The following SYNE1 variants were observed in gnomAD, a reference collection of about 807,000 sequenced individuals.
SYNE1 encodes the protein nesprin-1.
Under a neutral mutation model 1,111.0 loss-of-function variants are expected in SYNE1, and 616 were observed. That is an observed-to-expected ratio of 0.55 (90% CI 0.52 to 0.59). The LOEUF (loss-of-function observed/expected upper bound fraction) is 0.59, where lower values mean the gene tolerates loss of function less well. Among genes scored for constraint, SYNE1 ranks in the 20% least tolerant of loss-of-function variants. The pLI, the probability that SYNE1 is intolerant of heterozygous loss-of-function variation, is 0.00. For missense variants in SYNE1, 10,006 were observed against 10,417.0 expected (o/e 0.96, Z 1.72); for synonymous variants, 3,855 against 3,825.8 (o/e 1.01, Z -0.28).
rs772622270 is a variant in SYNE1, at chr6:152,151,970, G to A, written c.24301C>T (p.Arg8101Cys). 53 of 1,614,042 alleles carry A rather than the reference G, an allele frequency of 3.3e-5. No individual in the cohort carries two copies. The highest frequency in any genetic ancestry group is 4.2e-5 in the Non-Finnish European group (49 of 1,180,040). The change falls in exon 134 of 146, where the codon CGC (arginine) becomes TGC (cysteine). Residue 8101 changes from arginine to cysteine, a missense_variant. This residue lies in a region of SYNE1 where 2,182 missense variants were observed against 2,287.8 expected (regional missense o/e 0.95). Transcript: ENST00000367255. ...NLQKRVTSILRRLKHFIGQRE... is the reference protein window; with the variant it reads ...NLQKRVTSILCRLKHFIGQRE... ...GGCATAGCAAAAACCTTGAGTCTGCGCAAGATGGAGGTGACACGCTTTTGC... is the reference window on the plus strand; with the variant it reads ...GGCATAGCAAAAACCTTGAGTCTGCACAAGATGGAGGTGACACGCTTTTGC...
At chr6:152,500,298 A>T (rs2154321943) in intron 10 of SYNE1, among the ~76,000 whole-genome samples, 1 of 152,340 alleles carries the variant, frequency 6.6e-6, no homozygotes, top group African/African-American at 2.4e-5. Flanking sequence ...TATTTGCATC[A>T]ATCCATGCCA....
chr6:152,173,262 C>G (rs1181812792), intron 130 of SYNE1, among the ~76,000 whole-genome samples: 1 of 152,154 alleles, frequency 6.6e-6, no homozygotes, highest in African/African-American at 2.4e-5. Context: ...GATTTGTTAT[C>G]AGTAAATCTT....
chr6:152,289,402 T>C (rs1372781270), intron 95 of SYNE1, among the ~76,000 whole-genome samples: 2 of 150,774 alleles, frequency 1.3e-5, no homozygotes, highest in African/African-American at 5.0e-5. Context: ...CACAAGTTTT[T>C]GTTTGTTTGT....
Position 152,407,016 on chromosome 6 carries a change from C to T in SYNE1, c.6721G>A (p.Glu2241Lys), listed in dbSNP as rs1223488019. ...LRAEELLKEF[E>K]SEVKNKALRL... The stretch of plus-strand genomic sequence containing the variant: ...ATATGTCAACACAGTCAATTTACCT[C>T]AAATTCTTTAAGCAGTTCTTCAGCT... The change falls in exon 45 of 146, where the codon GAG (glutamate) becomes AAG (lysine). Residue 2241 changes from glutamate to lysine, a missense_variant and splice_region_variant. Physicochemically the swap from Glu to Lys is moderately conservative, Grantham distance 56. This residue lies in a region of SYNE1 where 4,955 missense variants were observed against 5,017.2 expected (regional missense o/e 0.99). Transcript: ENST00000367255. 6.2e-7 allele frequency: 1 copy of T among 1,612,902 alleles called. No individual in the cohort carries two copies.
rs28385621 is a variant in SYNE1 at position 152,337,006 on chromosome 6, C to A, written c.12363G>T (p.Lys4121Asn). Residue 4121 changes from lysine to asparagine, a missense_variant, in exon 76 of 146, where the codon AAG becomes AAT. Physicochemically the swap from Lys to Asn is moderately conservative, Grantham distance 94 (BLOSUM62 0). Transcript: ENST00000367255. ...GAGTTAAGTTCTGGGCCTGGACAAG[C>A]TTTTGTTCAATCTTGAGAAAACACA... The part of the protein sequence containing the change: ...IQQTEQTIEQ[K>N]LVQAQNLTQG... 0.078 allele frequency: 126,527 copies of A among 1,613,544 alleles called. 5,201 individuals are homozygous for A. The highest frequency in any genetic ancestry group is 0.11 in the East Asian group (5,052 of 44,868).
rs777679979 is a variant in SYNE1 at position 152,428,385 on chromosome 6, C to A, written c.4796G>T (p.Cys1599Phe). 2.5e-6 allele frequency: 4 copies of A among 1,613,508 alleles called. No individual in the cohort carries two copies. The highest frequency in any genetic ancestry group is 1.3e-5 in the African/African-American group (1 of 74,880). ...GCTGCTCAGTGACTCCAGGGCCTGG[C>A]AGAGATCCTAAGAAGAGTGCGAGAA... ...YKVLQEHMDL[C>F]QALESLSSAI... The change falls in exon 37 of 146, where the codon TGC (cysteine) becomes TTC (phenylalanine). Residue 1599 changes from cysteine to phenylalanine, a missense_variant. Around this residue, in one of 7 missense-constraint regions of SYNE1, gnomAD observed 1,971 missense variants for 2,084.1 expected, o/e 0.95. Transcript: ENST00000367255.
At chr6:152,299,237 A>T (rs966438720) in intron 93 of SYNE1, among the ~76,000 whole-genome samples, 1 of 152,204 alleles carries the variant, frequency 6.6e-6, no homozygotes, top group Non-Finnish European at 1.5e-5. Flanking sequence ...GAGAACCTAA[A>T]CCATATTAAA....
At chr6:152,226,827 A>T (rs1434369709) in intron 115 of SYNE1, among the ~76,000 whole-genome samples, 1 of 152,172 alleles carries the variant, frequency 6.6e-6, no homozygotes, top group Non-Finnish European at 1.5e-5. Context: ...GCTGAACCTC[A>T]GACTGTGGAG....
intron 131 of SYNE1, among the ~76,000 whole-genome samples, chr6:152,157,295 G>T (rs148310141): frequency 3.6e-4 from 55 of 152,284 alleles, no homozygotes; most frequent in African/African-American, 1.3e-3. Context: ...GGAACCGGAG[G>T]TCACTATGTT....
At chr6:152,594,039 A>G (rs2099574128) in intron 3 of SYNE1, among the ~76,000 whole-genome samples, 1 of 151,982 alleles carries the variant, frequency 6.6e-6, no homozygotes, top group South Asian at 2.1e-4. Flanking sequence ...CCTCCGCCCC[A>G]TCCCATTCTG....
chr6:152,217,925 G>A (rs1448095356), intron 121 of SYNE1, among the ~76,000 whole-genome samples: 1 of 152,078 alleles, frequency 6.6e-6, no homozygotes, highest in Admixed American at 6.6e-5. Flanking sequence ...TTTCACTTAA[G>A]ATTTTGAAAA....
chr6:152,325,169 C>A lies in SYNE1; in HGVS notation c.15572G>T (p.Arg5191Leu). The A allele has an allele frequency of 6.2e-7, 1 of 1,614,220 alleles. No homozygotes were observed. The highest frequency in any genetic ancestry group is 8.5e-7 in the Non-Finnish European group (1 of 1,180,042). ...GGCCACAGCTCGAAGGCGTGTCCAG[C>A]GCTGCCAGACGGTGGTCATTGACCT... ...LSRSMTTVWQ[R>L]WTRLRAVAQD... The change falls in exon 81 of 146, where the codon CGC becomes CTC. Residue 5191 changes from arginine to leucine, a missense_variant. Physicochemically the swap from Arg to Leu is moderately radical, Grantham distance 102. Transcript: ENST00000367255.
chr6:152,485,419 A>ATT, intron 12 of SYNE1, among the ~76,000 whole-genome samples: 1 of 152,232 alleles, frequency 6.6e-6, no homozygotes, highest in Non-Finnish European at 1.5e-5. Context: ...TACAAATAGA[A>ATT]ATTGCATATA....
In SYNE1 at chr6:152,331,585, A is replaced by G. The variant is rs371405185; in HGVS notation, c.13100T>C (p.Ile4367Thr). The G allele has an allele frequency of 1.2e-5, 20 of 1,613,994 alleles. No individual in the cohort carries two copies. The highest frequency in any genetic ancestry group is 1.6e-5 in the Non-Finnish European group (19 of 1,180,028). ...MEWAEEQQPN[I>T]AEALKQSPPP... is the part of the protein sequence containing the mutation. Reference sequence around the variant, plus strand: ...AGGGCTCTGCTTAAGGGCCTCGGCGATGTTGGGTTGTTGCTCTTCTGCCCA... The same window carrying G: ...AGGGCTCTGCTTAAGGGCCTCGGCGGTGTTGGGTTGTTGCTCTTCTGCCCA... The change falls in exon 78 of 146, where the codon ATC becomes ACC. Residue 4367 changes from isoleucine (I) to threonine (T), a missense_variant. Around this residue, in one of 7 missense-constraint regions of SYNE1, gnomAD observed 4,955 missense variants for 5,017.2 expected, o/e 0.99. Transcript: ENST00000367255.
chr6:152,465,983 T>C lies in SYNE1; in HGVS notation c.1728A>G (p.Ser576=). Reference sequence around the variant, plus strand: ...AACAAATTCTGTAGTATGTTTTACCTGAACCATCTGCTTTGACATACATCT... The same window carrying C: ...AACAAATTCTGTAGTATGTTTTACCCGAACCATCTGCTTTGACATACATCT... ...TAEMYVKADG[S]VEEAENVMKF... Residue 576 remains serine (S), a splice_region_variant and synonymous_variant, in exon 17 of 146, where the codon TCA becomes TCG. Transcript: ENST00000367255. 1 of 1,608,774 alleles carries C rather than the reference T, an allele frequency of 6.2e-7. No individual in the cohort carries two copies.
chr6:152,479,944 G>A (rs2098874475), intron 14 of SYNE1, among the ~76,000 whole-genome samples: 2 of 152,130 alleles, frequency 1.3e-5, no homozygotes, highest in African/African-American at 4.8e-5. Flanking sequence ...TGTTGAAATT[G>A]TGTTATTTTT....
chr6:152,253,218 C>T (rs1487524587), intron 104 of SYNE1, among the ~76,000 whole-genome samples: 1 of 152,094 alleles, frequency 6.6e-6, no homozygotes, highest in Non-Finnish European at 1.5e-5. Context: ...TGATAAAATA[C>T]AAAAATATAT....
chr6:152,379,515 A>C (rs2097359248), intron 56 of SYNE1, among the ~76,000 whole-genome samples: 1 of 152,180 alleles, frequency 6.6e-6, no homozygotes, highest in Non-Finnish European at 1.5e-5. Context: ...CCCTAAAAGC[A>C]AAACAATGCC....
chr6:152,425,561 G>A lies in SYNE1; in HGVS notation c.5101-14C>T, dbSNP rs1033842491. ...ATTTTGCAGTGCCTGAAAAATACAA[G>A]ACATTACGGATCTCATCCTAACAGG... On this transcript the variant is annotated splice_polypyrimidine_tract_variant and intron_variant, in intron 38 of 145. Coordinates refer to ENST00000367255, the MANE Select transcript of SYNE1 (RefSeq NM_182961.4). 1.2e-6 allele frequency: 2 copies of A among 1,613,920 alleles called. No individual in the cohort carries two copies. Among genetic ancestry groups the A allele is most frequent in the African/African-American group, 2.7e-5 (2 of 74,932 alleles).
Sources: allele counts gnomAD v4.1 joint callset (sites outside exome capture counted in the v4.1 genomes callset), GRCh38; gene constraint gnomAD v4.1.1; regional missense constraint gnomAD v4.1.1; transcripts MANE v1.5; gene names NCBI Gene and HGNC (gene_info 2026-07-23, HGNC 2026-07-21).